Variants in PIP5K1B observed in about 807,000 individuals in gnomAD.
The protein encoded by PIP5K1B is phosphatidylinositol 4-phosphate 5-kinase type-1 beta.
Under a neutral mutation model 67.0 loss-of-function variants are expected in PIP5K1B, and 42 were observed. The ratio of observed to expected loss-of-function variants is 0.63; its 90% confidence interval spans 0.49 to 0.81. PIP5K1B has a LOEUF of 0.81. Among genes scored for constraint, PIP5K1B ranks in the 30% least tolerant of loss-of-function variants. PIP5K1B has a pLI of 0.00. For synonymous variants in PIP5K1B, 214 were observed against 231.4 expected (o/e 0.92, Z 0.68); for missense variants, 459 against 646.3 (o/e 0.71, Z 3.14).
At chr9:68,710,916 T>C (rs1239546293) in intron 1 of PIP5K1B, among the ~76,000 whole-genome samples, 5 of 152,214 alleles carry the variant, frequency 3.3e-5, no homozygotes, top group Non-Finnish European at 7.4e-5. Context: ...CAATGAAATA[T>C]AAAGCATTGA....
intron 8 of PIP5K1B, among the ~76,000 whole-genome samples, chr9:68,902,999 A>C (rs1313459553): frequency 6.6e-6 from 1 of 152,240 alleles, no homozygotes; most frequent in East Asian, 1.9e-4. Context: ...ATTCCTAAGA[A>C]AAGGCCTGCG....
intron 2 of PIP5K1B, among the ~76,000 whole-genome samples, chr9:68,796,324 T>TACAA (rs10623732): frequency 0.98 from 149,902 of 152,250 alleles, 73,832 homozygotes; most frequent in East Asian, 1. Flanking sequence ...TTTCCTCAAT[T>TACAA]ACAATGTTCT....
chr9:69,003,329 G>A (rs10781329), intron 15 of PIP5K1B, among the ~76,000 whole-genome samples: 38,470 of 151,990 alleles, frequency 0.25, 5,399 homozygotes, highest in Middle Eastern at 0.37. Flanking sequence ...CGATGGCCGA[G>A]AGAAAAGCTG....
intron 4 of PIP5K1B, among the ~76,000 whole-genome samples, chr9:68,861,438 C>A (rs1823066477): frequency 6.6e-6 from 1 of 152,210 alleles, no homozygotes. Context: ...AGACTAGTCA[C>A]AGCTTTGACT....
At chr9:68,731,048 G>A (rs1340477890) in intron 1 of PIP5K1B, among the ~76,000 whole-genome samples, 1 of 152,164 alleles carries the variant, frequency 6.6e-6, no homozygotes, top group Non-Finnish European at 1.5e-5. Context: ...AATCTTCACT[G>A]TCAAGGAAAG....
chr9:68,744,257 T>A (rs1829162939), intron 2 of PIP5K1B, among the ~76,000 whole-genome samples: 1 of 152,202 alleles, frequency 6.6e-6, no homozygotes, highest in South Asian at 2.1e-4. Flanking sequence ...TTCCACGAGA[T>A]GTGCTAACAC....
At chr9:68,717,134 T>A (rs1398350581) in intron 1 of PIP5K1B, among the ~76,000 whole-genome samples, 1 of 152,208 alleles carries the variant, frequency 6.6e-6, no homozygotes, top group Non-Finnish European at 1.5e-5. Context: ...TGTCAGGTAC[T>A]GTGTTCACTA....
At chr9:68,861,994 T>A (rs976368179) in intron 4 of PIP5K1B, among the ~76,000 whole-genome samples, 1 of 151,830 alleles carries the variant, frequency 6.6e-6, no homozygotes, top group African/African-American at 2.4e-5. Flanking sequence ...TAAAAGGGCA[T>A]GTGAAAAAAG....
At chr9:68,777,486 G>A (rs187160440) in intron 2 of PIP5K1B, among the ~76,000 whole-genome samples, 142 of 152,292 alleles carry the variant, frequency 9.3e-4, no homozygotes, top group Admixed American at 3.0e-3. Flanking sequence ...CTTTTTATAA[G>A]GAACAGTTAT....
chr9:68,781,043 G>A, intron 2 of PIP5K1B: 1 of 1,603,218 alleles, frequency 6.2e-7, no homozygotes. Flanking sequence ...CTCATCCTGA[G>A]ACTTTCTTTT....
chr9:68,828,570 C>T (rs1249229229), intron 4 of PIP5K1B, among the ~76,000 whole-genome samples: 1 of 152,198 alleles, frequency 6.6e-6, no homozygotes, highest in African/African-American at 2.4e-5. Context: ...GGAAATAGTA[C>T]CTGACCGTGA....
At chr9:68,807,330 T>C (rs1455661032) in intron 2 of PIP5K1B, among the ~76,000 whole-genome samples, 1 of 152,246 alleles carries the variant, frequency 6.6e-6, no homozygotes, top group East Asian at 1.9e-4. Context: ...GAATTAAGCT[T>C]ATTCACCCAA....
intron 2 of PIP5K1B, among the ~76,000 whole-genome samples, chr9:68,773,756 G>A (rs1350008575): frequency 6.6e-6 from 1 of 152,186 alleles, no homozygotes; most frequent in African/African-American, 2.4e-5. Context: ...CTTTGCTGTT[G>A]CTCTGAAGTT....
At chr9:68,914,823 G>A (rs998315183) in intron 8 of PIP5K1B, among the ~76,000 whole-genome samples, 30 of 152,190 alleles carry the variant, frequency 2.0e-4, no homozygotes, top group African/African-American at 6.8e-4. Context: ...CAAACCCAGA[G>A]CTTCTAAAGG....
intron 12 of PIP5K1B, among the ~76,000 whole-genome samples, chr9:68,933,189 G>C (rs1352180611): frequency 6.6e-6 from 1 of 151,856 alleles, no homozygotes; most frequent in Non-Finnish European, 1.5e-5. Context: ...AGCAGATAGA[G>C]ATGATAGGTT....
intron 4 of PIP5K1B, among the ~76,000 whole-genome samples, chr9:68,857,413 T>C (rs576768857): frequency 2.0e-5 from 3 of 152,134 alleles, no homozygotes; most frequent in Admixed American, 6.5e-5. Context: ...TTTCATGCAA[T>C]CTCTCTCTCT....
At chr9:68,882,832 GT>G (rs1478192223) in intron 6 of PIP5K1B, among the ~76,000 whole-genome samples, 9 of 152,128 alleles carry the variant, frequency 5.9e-5, no homozygotes, top group Non-Finnish European at 8.8e-5. Context: ...TCCCAAATTC[GT>G]GAGTAAATGA....
At chr9:68,855,651 A>G (rs989568477) in intron 4 of PIP5K1B, among the ~76,000 whole-genome samples, 3 of 151,998 alleles carry the variant, frequency 2.0e-5, no homozygotes, top group African/African-American at 4.8e-5. Flanking sequence ...CCTCCCTCCA[A>G]TATATCTCAA....
chr9:68,892,930 G>GGTTGT (rs372705611), intron 7 of PIP5K1B, among the ~76,000 whole-genome samples: 19 of 152,128 alleles, frequency 1.2e-4, no homozygotes, highest in Admixed American at 4.6e-4. Context: ...AAAATTATCT[G>GGTTGT]GGTGTGGCGG....
Sources: gnomAD v4.1 joint callset for allele counts (sites outside exome capture counted in the v4.1 genomes callset) on GRCh38, gnomAD v4.1.1 for gene constraint, MANE v1.5 for transcripts, NCBI Gene and HGNC (gene_info 2026-07-23, HGNC 2026-07-21) for gene names.